ZC3H11A: variants seen among roughly 807,000 people sequenced by gnomAD.
ZC3H11A encodes zinc finger CCCH domain-containing protein 11A.
In ZC3H11A, 22 loss-of-function variants were observed where a neutral mutation model predicts 90.8. The observed-to-expected ratio is 0.24, with a 90% CI of 0.17 to 0.35. ZC3H11A has a LOEUF of 0.35. ZC3H11A is among the 10% of genes least tolerant of loss of function. The probability of loss-of-function intolerance (pLI) is 1.00; values close to 1 mark genes in which losing one functional copy is unlikely to be tolerated. For missense variants in ZC3H11A, 701 were observed against 964.9 expected (o/e 0.73, Z 3.62); for synonymous variants, 294 against 339.8 (o/e 0.87, Z 1.48).
chr1:203,818,494 A>C, intron 3 of ZC3H11A, 76 bp from the exon 4 acceptor site: 4 of 1,573,860 alleles, frequency 2.5e-6, no homozygotes, highest in South Asian at 2.2e-5. Context: ...TCTAAATTCC[A>C]GGAGCTCTTG....
intron 6 of ZC3H11A, 25 bp from the exon 7 acceptor site, chr1:203,829,755 A>G (rs1444808252): frequency 1.2e-6 from 2 of 1,612,890 alleles, no homozygotes; most frequent in East Asian, 4.5e-5. Flanking sequence ...TTAATTGTGA[A>G]TTTGCCTTAA....
chr1:203,823,293 T>C (rs1271996270), intron 4 of ZC3H11A, among the ~76,000 whole-genome samples: 1 of 152,132 alleles, frequency 6.6e-6, no homozygotes, highest in Non-Finnish European at 1.5e-5. Flanking sequence ...GCCTGTTTTT[T>C]TATGCCCACT....
In ZC3H11A at chr1:203,802,714, CTT is replaced by C. The variant is rs150416242; in HGVS notation, c.-440_-439del. 131 of 131,696 alleles carry C rather than the reference CTT, an allele frequency of 9.9e-4. No individual in the cohort carries two copies. Among genetic ancestry groups the C allele is most frequent in the African/African-American group, 3.4e-3 (125 of 36,546 alleles). 8.2% of individuals were successfully genotyped at this position (131,696 alleles called of 1,614,324 possible). A position where few individuals can be genotyped will look rare whatever the true frequency, so the allele number is the denominator to read the frequency against. On this transcript the variant is annotated 5_prime_UTR_variant, in exon 2 of 18. An upstream open reading frame in the 5' UTR loses its in-frame stop. Transcript: ENST00000367210. ...TCTCAAGTTCATCTTTAAATGAACT[CTT>C]TTTTTTTGTTTTTTTTTTGTTTTGT... is the stretch of plus-strand genomic sequence containing the variant.
chr1:203,819,089 T>TATACAC lies in ZC3H11A; in HGVS notation c.174+401_174+402insTACACA, dbSNP rs1336523998. ...TCTCAAAAAAAAAAATATATATATA[T>TATACAC]ACACACACACACACACACACACACA... On this transcript the variant is annotated intron_variant, in intron 4 of 17. Coordinates refer to ENST00000367210, the MANE Select transcript of ZC3H11A (RefSeq NM_001376342.1). 4.3e-4 allele frequency among the ~76,000 whole-genome samples: 60 copies of TATACAC among 141,006 alleles called. 2 individuals are homozygous for TATACAC. The South Asian group carries it at 4.5e-3, about 11-fold the overall frequency. The allele number at this position is 141,006 out of a possible 152,430, so 92.5% of individuals were successfully genotyped here.
At chr1:203,819,556 CAG>C (rs1314349815) in intron 4 of ZC3H11A, among the ~76,000 whole-genome samples, 1 of 60,078 alleles carries the variant, frequency 1.7e-5, no homozygotes, top group African/African-American at 6.8e-5. Flanking sequence ...TTTTTTGAGA[CAG>C]AGTTTTGCTC....
rs992596971 is a variant in ZC3H11A at position 203,818,437 on chromosome 1, T to C, written c.55-133T>C. The C allele has an allele frequency of 6.8e-6, 8 of 1,175,222 alleles. No individual in the cohort carries two copies. The African/African-American group carries it at 1.2e-4, about 18-fold the overall frequency. 72.8% of individuals were successfully genotyped at this position (1,175,222 alleles called of 1,614,324 possible). A position where few individuals can be genotyped will look rare whatever the true frequency, so the allele number is the denominator to read the frequency against. ...CTCGGTTTGTTCCTGTCATTCCATG[T>C]CCATTGTTTTTTACCTTACCAGTCC... is the stretch of plus-strand genomic sequence containing the variant. On this transcript the variant is annotated intron_variant, in intron 3 of 17. Coordinates refer to ENST00000367210, the MANE Select transcript of ZC3H11A (RefSeq NM_001376342.1).
At chr1:203,800,572 GA>G (rs765519506) in intron 1 of ZC3H11A, 472 of 981,900 alleles carry the variant, frequency 4.8e-4, no homozygotes, top group Non-Finnish European at 5.9e-4. Flanking sequence ...GGGGAAACCT[GA>G]AATCACACAA....
At position 203,802,408 on chromosome 1, in the gene ZC3H11A, A is replaced by T. The variant is rs1670795682; in HGVS notation, c.-754A>T. Reference sequence around the variant, plus strand: ...AAAAGGGGAAACTTATCCAAATGTTATATTTCTATACATTTTTGTGTATAT... The same window carrying T: ...AAAAGGGGAAACTTATCCAAATGTTTTATTTCTATACATTTTTGTGTATAT... On this transcript the variant is annotated 5_prime_UTR_variant, in exon 2 of 18. Transcript: ENST00000367210. The T allele has an allele frequency of 6.6e-6, 1 of 152,484 alleles. No individual in the cohort carries two copies. The highest frequency in any genetic ancestry group is 2.4e-5 in the African/African-American group (1 of 41,426). 9.4% of individuals were successfully genotyped at this position (152,484 alleles called of 1,614,324 possible).
At chr1:203,805,726 T>C (rs1381147620) in intron 2 of ZC3H11A, 1 of 664,216 alleles carries the variant, frequency 1.5e-6, no homozygotes, top group Non-Finnish European at 2.9e-6. Context: ...TGCTGGCTCA[T>C]CTAAATAGAA....
intron 2 of ZC3H11A, among the ~76,000 whole-genome samples, chr1:203,803,662 G>A (rs374364385): frequency 7.9e-5 from 12 of 152,172 alleles, no homozygotes; most frequent in African/African-American, 2.9e-4. Context: ...CTGGAGTGCA[G>A]TGGCATGATC....
At chr1:203,807,789 C>G (rs1672884629) in intron 2 of ZC3H11A, among the ~76,000 whole-genome samples, 1 of 151,962 alleles carries the variant, frequency 6.6e-6, no homozygotes, top group Admixed American at 6.6e-5. Context: ...TTGCGCAGAC[C>G]AGAGTGCAGT....
At position 203,849,851 on chromosome 1, in the gene ZC3H11A, C is replaced by G. The variant is rs776419929; in HGVS notation, c.1764C>G (p.Cys588Trp). ...LTPLRGDVAS[C>W]NTQVAEKPVL... ...CTCTTCGGGGAGATGTAGCCTCTTG[C>G]AATACCCAAGTGGCAGAGAAACCAG... The change falls in exon 15 of 18, where the codon TGC becomes TGG. Residue 588 changes from cysteine to tryptophan, a missense_variant. Transcript: ENST00000367210. 3.7e-6 allele frequency: 6 copies of G among 1,613,982 alleles called. No homozygotes were observed. The highest frequency in any genetic ancestry group is 1.3e-5 in the African/African-American group (1 of 74,976).
At chr1:203,824,147 A>G (rs894252400) in intron 4 of ZC3H11A, among the ~76,000 whole-genome samples, 7 of 152,004 alleles carry the variant, frequency 4.6e-5, no homozygotes, top group Admixed American at 1.3e-4. Context: ...GCAGCCATGT[A>G]GTCCCAGCTA....
intron 4 of ZC3H11A, among the ~76,000 whole-genome samples, chr1:203,823,278 C>T (rs568939494): frequency 2.6e-5 from 4 of 152,228 alleles, no homozygotes; most frequent in South Asian, 2.1e-4. Context: ...TGGAAGAATC[C>T]GTGTGCCTGT....
chr1:203,829,232 G>A, intron 5 of ZC3H11A: 1 of 583,706 alleles, frequency 1.7e-6, no homozygotes, highest in South Asian at 2.1e-5. Flanking sequence ...TCTGTTTTGA[G>A]TGCCCACTTT....
At chr1:203,820,585 C>G (rs933102799) in intron 4 of ZC3H11A, among the ~76,000 whole-genome samples, 1 of 151,886 alleles carries the variant, frequency 6.6e-6, no homozygotes, top group Non-Finnish European at 1.5e-5. Flanking sequence ...TCATGTGATT[C>G]TTGTGCCTCA....
chr1:203,799,396 T>C, intron 1 of ZC3H11A: 1 of 703,246 alleles, frequency 1.4e-6, no homozygotes, highest in Non-Finnish European at 2.6e-6. Context: ...GCCCGTCAGA[T>C]ACTGCAAGAG....
chr1:203,852,419 T>G lies in ZC3H11A; in HGVS notation c.*20T>G, dbSNP rs1345735614. 8.7e-6 allele frequency: 14 copies of G among 1,605,506 alleles called. No individual in the cohort carries two copies. In the Admixed American group the frequency reaches 2.4e-4, roughly 28 times the overall value. On this transcript the variant is annotated 3_prime_UTR_variant, in exon 18 of 18. Transcript: ENST00000367210. ...AGCTGAAGGTGGTAGTGAGGACACT[T>G]TAAAAAAAAAATCGCCAAAAAACTG...
rs1689538305 is a variant in ZC3H11A at position 203,852,546 on chromosome 1, C to T, written c.*147C>T. ...ATACCTCTGAATTATCTGTATGTGT[C>T]CTGGATTCCTTGGGGTCAGATTTTT... On this transcript the variant is annotated 3_prime_UTR_variant, in exon 18 of 18. Coordinates refer to ENST00000367210, the MANE Select transcript of ZC3H11A (RefSeq NM_001376342.1). 2 of 835,572 alleles carry T rather than the reference C, an allele frequency of 2.4e-6. No individual in the cohort carries two copies. The highest frequency in any genetic ancestry group is 3.7e-5 in the South Asian group (2 of 53,752). The allele number at this position is 835,572 out of a possible 1,614,324, so 51.8% of individuals were successfully genotyped here. A position where few individuals can be genotyped will look rare whatever the true frequency, so the allele number is the denominator to read the frequency against.
Sources: allele counts gnomAD v4.1 joint callset (sites outside exome capture counted in the v4.1 genomes callset), GRCh38; gene constraint gnomAD v4.1.1; transcripts MANE v1.5; gene names NCBI Gene and HGNC (gene_info 2026-07-23, HGNC 2026-07-21).